The following UACA variants were observed in gnomAD, a reference collection of about 807,000 sequenced individuals.
UACA encodes uveal autoantigen with coiled-coil domains and ankyrin repeats.
Under a neutral mutation model 160.5 loss-of-function variants are expected in UACA, and 112 were observed. The observed-to-expected ratio is 0.70, with a 90% confidence interval of 0.60 to 0.82. The LOEUF (loss-of-function observed/expected upper bound fraction) is 0.82, where lower values mean the gene tolerates loss of function less well. Ranked by LOEUF, UACA falls within the 40% of genes least tolerant of loss-of-function variation. UACA has a pLI of 0.00. For missense variants in UACA, 1,574 were observed against 1,614.6 expected, an observed-to-expected ratio of 0.97 and a Z score of 0.43; for synonymous variants, 557 against 568.4, an observed-to-expected ratio of 0.98 and a Z score of 0.29.
chr15:70,679,713 G>T (rs748494565), intron 9 of UACA, 37 bp from the exon 10 acceptor site: 8 of 1,376,206 alleles, frequency 5.8e-6, no homozygotes, highest in Non-Finnish European at 8.1e-6. Context: ...GTCAGCAAGT[G>T]TAAGAATACA....
In UACA at chr15:70,660,194, T is replaced by A. The variant is rs1485299506; in HGVS notation, c.4136A>T (p.Glu1379Val). The A allele has an allele frequency of 3.7e-6, 6 of 1,613,458 alleles. No individual in the cohort carries two copies. Among genetic ancestry groups the A allele is most frequent in the Non-Finnish European group, 4.2e-6 (5 of 1,179,648 alleles). ...QLADADRQHQ[E>V]VIAIYRTHLL... ...GTGTGTCCGATAAATTGCAATTACTTCTTGGTGCTGTCTGTCAGCATCCTA... is the reference window on the plus strand; with the variant it reads ...GTGTGTCCGATAAATTGCAATTACTACTTGGTGCTGTCTGTCAGCATCCTA... Residue 1379 changes from glutamate (E) to valine (V), a missense_variant, in exon 18 of 19, where the codon GAA becomes GTA. Glu to Val is a moderately radical substitution (Grantham distance 121, BLOSUM62 -2). Coordinates refer to ENST00000322954, the MANE Select transcript of UACA (RefSeq NM_018003.4).
intron 15 of UACA, 86 bp from the exon 16 acceptor site, chr15:70,669,548 G>T: frequency 9.3e-7 from 1 of 1,071,924 alleles, no homozygotes; most frequent in Non-Finnish European, 1.3e-6. Context: ...GAGAAAGTTA[G>T]CACATCATCA....
chr15:70,756,268 G>C (rs1332537332), intron 1 of UACA, among the ~76,000 whole-genome samples: 1 of 151,760 alleles, frequency 6.6e-6, no homozygotes, highest in Non-Finnish European at 1.5e-5. Flanking sequence ...CCAGGTTCAA[G>C]CAATTCTCCT....
chr15:70,750,647 G>A (rs1008742858), intron 1 of UACA, among the ~76,000 whole-genome samples: 4 of 152,114 alleles, frequency 2.6e-5, no homozygotes, highest in Admixed American at 6.6e-5. Flanking sequence ...TGGGAGGATC[G>A]CTTGAGCCCT....
intron 5 of UACA, 36 bp from the exon 6 acceptor site, chr15:70,687,856 A>G: frequency 6.3e-7 from 1 of 1,597,120 alleles, no homozygotes. Flanking sequence ...AATGGTGAAC[A>G]TCTGTTGGTA....
At chr15:70,744,233 A>G (rs1899627796) in intron 1 of UACA, among the ~76,000 whole-genome samples, 1 of 145,614 alleles carries the variant, frequency 6.9e-6, no homozygotes, top group African/African-American at 2.6e-5. Flanking sequence ...TGGGCGACAG[A>G]GCAAGACTCT....
chr15:70,719,513 A>C (rs986833992), intron 1 of UACA, among the ~76,000 whole-genome samples: 1 of 152,230 alleles, frequency 6.6e-6, no homozygotes, highest in Admixed American at 6.5e-5. Flanking sequence ...CGAGTTGAGG[A>C]TGTAGCTACT....
At chr15:70,720,270 C>A (rs1159666392) in intron 1 of UACA, among the ~76,000 whole-genome samples, 1 of 152,174 alleles carries the variant, frequency 6.6e-6, no homozygotes, top group African/African-American at 2.4e-5. Context: ...AACCTCTTTT[C>A]TTTATAAATT....
intron 1 of UACA, among the ~76,000 whole-genome samples, chr15:70,701,286 G>A (rs1352061548): frequency 6.6e-6 from 1 of 152,048 alleles, no homozygotes; most frequent in East Asian, 1.9e-4. Context: ...TACATTTTAC[G>A]CATCACCTTT....
the UACA span, among the ~76,000 whole-genome samples, chr15:70,778,003 C>T: frequency 6.6e-6 from 1 of 152,110 alleles, no homozygotes; most frequent in Non-Finnish European, 1.5e-5. Context: ...ATACATTCTT[C>T]CAGCCTGGGC....
chr15:70,749,149 C>A (rs1457833048), intron 1 of UACA: 1 of 401,844 alleles, frequency 2.5e-6, no homozygotes, highest in Non-Finnish European at 5.0e-6. Context: ...ACTTTCGGAT[C>A]TAAGTAGCAT....
At chr15:70,707,344 G>A (rs1898550563) in intron 1 of UACA, among the ~76,000 whole-genome samples, 2 of 152,048 alleles carry the variant, frequency 1.3e-5, no homozygotes, top group African/African-American at 4.8e-5. Context: ...GAAAACACAG[G>A]AGAAAACTTC....
intron 1 of UACA, among the ~76,000 whole-genome samples, chr15:70,744,146 G>A (rs1342430858): frequency 6.6e-6 from 1 of 151,510 alleles, no homozygotes; most frequent in South Asian, 2.1e-4. Flanking sequence ...TGGAGAGGCT[G>A]AGGCAGGAGA....
intron 17 of UACA, among the ~76,000 whole-genome samples, chr15:70,663,682 T>C (rs953608702): frequency 5.3e-5 from 8 of 152,104 alleles, no homozygotes; most frequent in Non-Finnish European, 8.8e-5. Flanking sequence ...TGGAATACTA[T>C]GCAGTGATAA....
chr15:70,699,545 T>A lies in UACA; in HGVS notation c.194A>T (p.Asp65Val). Reference protein sequence around the residue: ...AKKGVNPGKLDVEGRSVFHVV... With the variant: ...AKKGVNPGKLVVEGRSVFHVV... ...TACTTACACAGATCTGCCTTCCACA[T>A]CTAGTTTGCCTGGATTGACCCCCTT... Residue 65 changes from aspartate to valine, a missense_variant, in exon 2 of 19, where the codon GAT (aspartate) becomes GTT (valine). Coordinates refer to ENST00000322954, the MANE Select transcript of UACA (RefSeq NM_018003.4). 6.2e-7 allele frequency: 1 copy of A among 1,611,208 alleles called. No individual in the cohort carries two copies. The highest frequency in any genetic ancestry group is 8.5e-7 in the Non-Finnish European group (1 of 1,179,278).
intron 1 of UACA, among the ~76,000 whole-genome samples, chr15:70,722,445 G>A (rs1321825024): frequency 6.6e-6 from 1 of 151,914 alleles, no homozygotes; most frequent in Non-Finnish European, 1.5e-5. Flanking sequence ...AGCCTCCTGA[G>A]TAGCTGGGAC....
chr15:70,701,784 C>A, intron 1 of UACA: 1 of 1,243,112 alleles, frequency 8.0e-7, no homozygotes, highest in African/African-American at 1.5e-5. Context: ...TAAAGCAAAC[C>A]AAATTAATAA....
At chr15:70,721,441 C>G (rs551775628) in intron 1 of UACA, among the ~76,000 whole-genome samples, 1 of 151,964 alleles carries the variant, frequency 6.6e-6, no homozygotes, top group Non-Finnish European at 1.5e-5. Flanking sequence ...CTGGCTAACA[C>G]GGTGAAACCC....
chr15:70,695,964 A>C (rs1898112463), intron 2 of UACA, among the ~76,000 whole-genome samples: 1 of 152,208 alleles, frequency 6.6e-6, no homozygotes, highest in Non-Finnish European at 1.5e-5. Flanking sequence ...GACATTGAAT[A>C]TTACTCTACA....
Sources: gnomAD v4.1 joint callset for allele counts (sites outside exome capture counted in the v4.1 genomes callset) on GRCh38, gnomAD v4.1.1 for gene constraint, MANE v1.5 for transcripts, NCBI Gene and HGNC (gene_info 2026-07-23, HGNC 2026-07-21) for gene names.